Variants in ALK observed in about 807,000 individuals in gnomAD.
ALK encodes the protein ALK receptor tyrosine kinase, also known as ALK tyrosine kinase receptor.
A neutral mutation model predicts 163.1 loss-of-function variants in ALK; 74 were observed. The observed-to-expected ratio is 0.45, with a 90% CI of 0.38 to 0.55. The LOEUF is 0.55. Among genes scored for constraint, ALK ranks in the 20% least tolerant of loss-of-function variants. The pLI, the probability that ALK is intolerant of heterozygous loss-of-function variation, is 0.00. For missense variants in ALK, 2,063 were observed against 2,105.3 expected, an observed-to-expected ratio of 0.98 and a Z score of 0.39; for synonymous variants, 960 against 843.2, an observed-to-expected ratio of 1.14 and a Z score of -2.40.
rs553342606 is a variant in ALK, at chr2:29,583,067, T to C, written c.953-50951A>G. ...GTTTTTTTGTTTTTTTTAGTAAAGA[T>C]GGGATTTTGCCATGTTGGCCAGGCT... On this transcript the variant is annotated intron_variant, in intron 3 of 28. Coordinates refer to ENST00000389048, the MANE Select transcript of ALK (RefSeq NM_004304.5). Among the ~76,000 whole-genome samples, 3 of 145,962 alleles carry C rather than the reference T, an allele frequency of 2.1e-5. No individual in the cohort carries two copies. The South Asian group carries it at 6.6e-4, about 32-fold the overall frequency.
At position 29,617,770 on chromosome 2, in the gene ALK, T is replaced by C. The variant is rs115252314; in HGVS notation, c.952+77080A>G. ...CTGCAGTGGCCCCATTGTAACAGTC[T>C]TGAATGAAGTCTTCCTCGCCATTCT... is the stretch of plus-strand genomic sequence containing the variant. On this transcript the variant is annotated intron_variant, in intron 3 of 28. Coordinates refer to ENST00000389048, the MANE Select transcript of ALK (RefSeq NM_004304.5). 3.1e-3 allele frequency among the ~76,000 whole-genome samples: 475 copies of C among 152,342 alleles called. 1 individual carries two copies. Among genetic ancestry groups the C allele is most frequent in the African/African-American group, 0.011 (456 of 41,580 alleles).
At chr2:29,653,723 G>A (rs981338533) in intron 3 of ALK, among the ~76,000 whole-genome samples, 1 of 152,066 alleles carries the variant, frequency 6.6e-6, no homozygotes, top group African/African-American at 2.4e-5. Flanking sequence ...TGAGGAAGAG[G>A]TGATTCAAAA....
chr2:29,226,033 G>A (rs1055690622), intron 18 of ALK, among the ~76,000 whole-genome samples: 4 of 152,146 alleles, frequency 2.6e-5, no homozygotes, highest in Admixed American at 1.3e-4. Context: ...GAGGTATCGT[G>A]CTTGGTACTG....
chr2:29,646,270 T>G (rs1676872538), intron 3 of ALK, among the ~76,000 whole-genome samples: 2 of 152,184 alleles, frequency 1.3e-5, no homozygotes, highest in Admixed American at 6.6e-5. Flanking sequence ...TCACATTCTA[T>G]GTCCAAGTCA....
chr2:29,281,895 G>A (rs182571852), intron 9 of ALK, among the ~76,000 whole-genome samples: 2 of 152,352 alleles, frequency 1.3e-5, no homozygotes, highest in East Asian at 3.9e-4. Flanking sequence ...AATGGACAGC[G>A]AATATAATGC....
At chr2:29,693,735 G>A (rs1306415942) in intron 3 of ALK, among the ~76,000 whole-genome samples, 1 of 152,090 alleles carries the variant, frequency 6.6e-6, no homozygotes, top group Non-Finnish European at 1.5e-5. Flanking sequence ...CGAGAATCTG[G>A]CCACAGAGCA....
intron 1 of ALK, among the ~76,000 whole-genome samples, chr2:29,737,045 G>A (rs977736878): frequency 1.3e-5 from 2 of 151,916 alleles, no homozygotes; most frequent in African/African-American, 4.8e-5. Context: ...ATATACTTTG[G>A]GCATCCTTAA....
At chr2:29,502,921 G>A (rs1293288988) in intron 4 of ALK, among the ~76,000 whole-genome samples, 1 of 152,186 alleles carries the variant, frequency 6.6e-6, no homozygotes, top group East Asian at 1.9e-4. Context: ...CAGGTATGCA[G>A]TGAATCCAAA....
intron 4 of ALK, among the ~76,000 whole-genome samples, chr2:29,437,704 C>T (rs1670436756): frequency 6.6e-6 from 1 of 152,162 alleles, no homozygotes; most frequent in African/African-American, 2.4e-5. Flanking sequence ...TAAGCCCCAC[C>T]TCAAATTACC....
intron 4 of ALK, among the ~76,000 whole-genome samples, chr2:29,523,873 T>C (rs1246335036): frequency 3.4e-5 from 5 of 145,198 alleles, no homozygotes; most frequent in African/African-American, 2.6e-5. Flanking sequence ...TTTTTTTTTT[T>C]TTTTTTTTTT....
chr2:29,475,834 G>A (rs1192788433), intron 4 of ALK, among the ~76,000 whole-genome samples: 1 of 151,444 alleles, frequency 6.6e-6, no homozygotes, highest in African/African-American at 2.4e-5. Context: ...CTGAGTGCCT[G>A]AAGAGGAATT....
rs1369139921 is a variant in ALK at position 29,200,743 on chromosome 2, ATATATATACGTATATATG to A, written c.3939-3085_3939-3068del. 5.2e-3 allele frequency among the ~76,000 whole-genome samples: 580 copies of A among 110,846 alleles called. 9 individuals carry two copies. The highest frequency in any genetic ancestry group is 0.022 in the African/African-American group (373 of 16,998). The allele number at this position is 110,846 out of a possible 152,430, so 72.7% of individuals were successfully genotyped here. A position where few individuals can be genotyped will look rare whatever the true frequency, so the allele number is the denominator to read the frequency against. On this transcript the variant is annotated intron_variant, in intron 26 of 28. Transcript: ENST00000389048. ...TACGTATATATGTATATATATACGT[ATATATATACGTATATATG>A]TATATATATACGTATATATATGTAT...
chr2:29,568,206 C>T (rs1051881269), intron 3 of ALK, among the ~76,000 whole-genome samples: 38 of 152,182 alleles, frequency 2.5e-4, no homozygotes, highest in African/African-American at 9.2e-4. Context: ...CTGCGGAGCA[C>T]TGAACTGAAA....
Position 29,433,473 on chromosome 2 carries a change from C to T in ALK, c.1155-49614G>A, listed in dbSNP as rs138583028. Among the ~76,000 whole-genome samples, 151 of 152,278 alleles carry T rather than the reference C, an allele frequency of 9.9e-4. 1 individual carries two copies. The highest frequency in any genetic ancestry group is 3.4e-3 in the African/African-American group (141 of 41,562). ...AATTGTTCCCCCCAAGTGCTTACCT[C>T]GAGGCCTTGCTGAAGTGCCTAATAA... is the stretch of plus-strand genomic sequence containing the variant. On this transcript the variant is annotated intron_variant, in intron 4 of 28. Coordinates refer to ENST00000389048, the MANE Select transcript of ALK (RefSeq NM_004304.5).
In ALK at chr2:29,561,984, A is replaced by G. The variant is rs193233826; in HGVS notation, c.953-29868T>C. Among the ~76,000 whole-genome samples, 341 of 152,322 alleles carry G rather than the reference A, an allele frequency of 2.2e-3. 2 individuals carry two copies. The highest frequency in any genetic ancestry group is 7.7e-3 in the African/African-American group (322 of 41,562). On this transcript the variant is annotated intron_variant, in intron 3 of 28. Coordinates refer to ENST00000389048, the MANE Select transcript of ALK (RefSeq NM_004304.5). ...TCACTGACCCAGGGCCTTGCTCAGC[A>G]AGGACTTCTAGTGAACTTTGGATTA...
intron 3 of ALK, among the ~76,000 whole-genome samples, chr2:29,633,038 C>G (rs1018543059): frequency 3.9e-5 from 6 of 152,150 alleles, no homozygotes; most frequent in African/African-American, 1.4e-4. Flanking sequence ...ATCCACCACG[C>G]TGACACTCTG....
chr2:29,571,720 G>C (rs568042782), intron 3 of ALK, among the ~76,000 whole-genome samples: 1 of 144,862 alleles, frequency 6.9e-6, no homozygotes, highest in African/African-American at 2.6e-5. Flanking sequence ...GGGTTCAAGC[G>C]ATTCTTCTGC....
intron 4 of ALK, among the ~76,000 whole-genome samples, chr2:29,415,847 T>C (rs1280819359): frequency 6.6e-6 from 1 of 152,198 alleles, no homozygotes; most frequent in Non-Finnish European, 1.5e-5. Flanking sequence ...AACTAAAATA[T>C]CCACCTTTTC....
intron 4 of ALK, among the ~76,000 whole-genome samples, chr2:29,462,175 T>C (rs1241247470): frequency 6.6e-6 from 1 of 152,202 alleles, no homozygotes; most frequent in Non-Finnish European, 1.5e-5. Context: ...AAGTAGTATC[T>C]TGAAATCGAA....
Sources: gnomAD v4.1 joint callset for allele counts (sites outside exome capture counted in the v4.1 genomes callset) on GRCh38, gnomAD v4.1.1 for gene constraint, MANE v1.5 for transcripts, NCBI Gene and HGNC (gene_info 2026-07-23, HGNC 2026-07-21) for gene names.